ANO4: variants seen among roughly 807,000 people sequenced by gnomAD.
ANO4 encodes anoctamin 4.
A neutral mutation model predicts 141.9 loss-of-function variants in ANO4; 69 were observed. That is an observed-to-expected ratio of 0.49 (90% CI 0.40 to 0.59). The LOEUF (loss-of-function observed/expected upper bound fraction) is 0.59, where lower values mean the gene tolerates loss of function less well. ANO4 is among the 20% of genes least tolerant of loss of function. The pLI is 0.00. For synonymous variants in ANO4, 350 were observed against 394.3 expected, an observed-to-expected ratio of 0.89 and a Z score of 1.33; for missense variants, 894 against 1,162.2, an observed-to-expected ratio of 0.77 and a Z score of 3.36.
At chr12:100,930,997 A>G (rs982037825) in intron 3 of ANO4, among the ~76,000 whole-genome samples, 6 of 152,174 alleles carry the variant, frequency 3.9e-5, no homozygotes, top group African/African-American at 1.4e-4. Flanking sequence ...AGAAGGGAGT[A>G]AAATCGGCTA....
At chr12:101,040,101 A>G (rs756422887) in intron 11 of ANO4, 25 bp downstream of exon 11, 10 of 1,594,818 alleles carry the variant, frequency 6.3e-6, no homozygotes, top group South Asian at 1.1e-5. Context: ...AGCTGCAAAT[A>G]TAAAGCTTGC....
intron 3 of ANO4, among the ~76,000 whole-genome samples, chr12:100,761,039 G>C (rs1238132987): frequency 6.6e-6 from 1 of 152,026 alleles, no homozygotes; most frequent in East Asian, 1.9e-4. Flanking sequence ...TGGCTACCAG[G>C]GACTTCCTTA....
chr12:100,861,716 C>A (rs1204534184), intron 1 of ANO4, among the ~76,000 whole-genome samples: 3 of 152,150 alleles, frequency 2.0e-5, no homozygotes, highest in Admixed American at 2.0e-4. Flanking sequence ...GCTGTATAAA[C>A]TTATTTAAAA....
intron 6 of ANO4, among the ~76,000 whole-genome samples, chr12:100,971,876 CA>C (rs1286671765): frequency 1.3e-5 from 2 of 151,526 alleles, no homozygotes; most frequent in African/African-American, 4.9e-5. Flanking sequence ...CAAAAAAAAC[CA>C]CTTTTTTTAA....
At chr12:101,113,999 C>G (rs939918268) in intron 24 of ANO4, among the ~76,000 whole-genome samples, 7 of 152,196 alleles carry the variant, frequency 4.6e-5, no homozygotes, top group Non-Finnish European at 1.0e-4. Context: ...AACCCTTCGT[C>G]TGTTACTTTT....
chr12:101,040,155 T>C, intron 11 of ANO4, 79 bp downstream of exon 11: 1 of 1,490,644 alleles, frequency 6.7e-7, no homozygotes, highest in Admixed American at 2.1e-5. Flanking sequence ...AAGCTCCCAA[T>C]GAAGCAAAAA....
intron 1 of ANO4, among the ~76,000 whole-genome samples, chr12:100,805,264 G>T (rs2034935794): frequency 6.6e-6 from 1 of 152,104 alleles, no homozygotes; most frequent in South Asian, 2.1e-4. Context: ...GGTTGTAGGG[G>T]TGTGGTCTTA....
intron 8 of ANO4, among the ~76,000 whole-genome samples, chr12:101,002,051 A>C (rs2045667067): frequency 6.6e-6 from 1 of 151,872 alleles, no homozygotes; most frequent in Admixed American, 6.6e-5. Flanking sequence ...CACCATCACC[A>C]CCAAATCCTT....
chr12:100,918,638 G>A (rs75233928), intron 2 of ANO4, among the ~76,000 whole-genome samples: 5,405 of 152,246 alleles, frequency 0.036, 134 homozygotes, highest in Non-Finnish European at 0.05. Context: ...CATTACTCAC[G>A]TGTTTGTGGT....
At chr12:100,902,338 A>G (rs2040632625) in intron 2 of ANO4, among the ~76,000 whole-genome samples, 1 of 152,206 alleles carries the variant, frequency 6.6e-6, no homozygotes, top group Admixed American at 6.5e-5. Flanking sequence ...TGATCTCTTT[A>G]AAATATTAAA....
At chr12:101,055,626 A>G (rs1013515794) in intron 14 of ANO4, among the ~76,000 whole-genome samples, 2 of 151,866 alleles carry the variant, frequency 1.3e-5, no homozygotes, top group African/African-American at 2.4e-5. Flanking sequence ...TGAGTCTTGC[A>G]TTTTTATTTT....
chr12:100,878,377 G>C, intron 1 of ANO4, among the ~76,000 whole-genome samples: 1 of 152,130 alleles, frequency 6.6e-6, no homozygotes, highest in African/African-American at 2.4e-5. Context: ...CACTTAATAG[G>C]TGTTAATTCT....
intron 1 of ANO4, among the ~76,000 whole-genome samples, chr12:100,733,565 T>A (rs2031479912): frequency 6.6e-6 from 1 of 152,142 alleles, no homozygotes; most frequent in Non-Finnish European, 1.5e-5. Flanking sequence ...GCTGTCTGGG[T>A]TGTTTATTGA....
At chr12:101,090,293 G>A (rs2049708350) in intron 17 of ANO4, among the ~76,000 whole-genome samples, 1 of 152,172 alleles carries the variant, frequency 6.6e-6, no homozygotes, top group Non-Finnish European at 1.5e-5. Context: ...AAAGACACAT[G>A]CACACATATG....
chr12:101,080,689 TG>T (rs1370035226), intron 15 of ANO4, among the ~76,000 whole-genome samples: 1 of 151,536 alleles, frequency 6.6e-6, no homozygotes, highest in Non-Finnish European at 1.5e-5. Flanking sequence ...TAGCTGGGTG[TG>T]GTGGCATGCA....
intron 1 of ANO4, among the ~76,000 whole-genome samples, chr12:100,876,665 A>G (rs566478397): frequency 3.9e-5 from 6 of 152,348 alleles, no homozygotes; most frequent in African/African-American, 1.4e-4. Context: ...ATTCCATTTC[A>G]AAAGCAGAGA....
chr12:101,036,395 G>A (rs1373552408), intron 9 of ANO4, among the ~76,000 whole-genome samples: 5 of 152,132 alleles, frequency 3.3e-5, no homozygotes, highest in Non-Finnish European at 5.9e-5. Context: ...ATATCTGCAC[G>A]TCCATGTTCA....
intron 3 of ANO4, among the ~76,000 whole-genome samples, chr12:100,745,157 A>G (rs1200929636): frequency 6.6e-6 from 1 of 152,246 alleles, no homozygotes; most frequent in Non-Finnish European, 1.5e-5. Context: ...CGCTCTGTAC[A>G]GATGTGTCAG....
At chr12:100,738,231 G>A (rs886518517) in intron 2 of ANO4, among the ~76,000 whole-genome samples, 1 of 152,150 alleles carries the variant, frequency 6.6e-6, no homozygotes, top group Non-Finnish European at 1.5e-5. Context: ...GGGTGAGGGA[G>A]GATGAGCAGG....
Sources: allele counts gnomAD v4.1 joint callset (sites outside exome capture counted in the v4.1 genomes callset), GRCh38; gene constraint gnomAD v4.1.1; transcripts MANE v1.5; gene names NCBI Gene and HGNC (gene_info 2026-07-23, HGNC 2026-07-21).